Variants in NRG1 observed in about 807,000 individuals in gnomAD.
The protein encoded by NRG1 is neuregulin 1, also known as pro-neuregulin-1, membrane-bound isoform.
Under a neutral mutation model 63.8 loss-of-function variants are expected in NRG1, and 18 were observed. The observed-to-expected ratio is 0.28, with a 90% CI of 0.19 to 0.42. The LOEUF is 0.42. Ranked by LOEUF, NRG1 falls within the 10% of genes least tolerant of loss-of-function variation. The pLI, the probability that NRG1 is intolerant of heterozygous loss-of-function variation, is 1.00. For missense variants in NRG1, 762 were observed against 814.7 expected (o/e 0.94, Z 0.79); for synonymous variants, 302 against 301.3 (o/e 1.00, Z -0.02).
chr8:32,563,010 C>T (rs574073470), intron 1 of NRG1, among the ~76,000 whole-genome samples: 10 of 152,278 alleles, frequency 6.6e-5, no homozygotes, highest in South Asian at 2.1e-4. Context: ...GGTATGTTTT[C>T]GCTTAGAACA....
At chr8:32,424,900 A>C (rs575287065) in intron 1 of NRG1, among the ~76,000 whole-genome samples, 253 of 152,192 alleles carry the variant, frequency 1.7e-3, no homozygotes, top group Non-Finnish European at 1.3e-3. Flanking sequence ...AACAAACAAA[A>C]AAACAAAAAA....
At chr8:32,496,156 C>G (rs1385313031) in intron 1 of NRG1, among the ~76,000 whole-genome samples, 1 of 152,174 alleles carries the variant, frequency 6.6e-6, no homozygotes, top group Non-Finnish European at 1.5e-5. Context: ...GACACAATGT[C>G]AAATTTCTCA....
intron 1 of NRG1, among the ~76,000 whole-genome samples, chr8:32,529,672 A>G (rs749883297): frequency 1.2e-3 from 179 of 152,226 alleles, no homozygotes; most frequent in Non-Finnish European, 1.4e-3. Context: ...TTAAACACAC[A>G]CACACATTAT....
At chr8:32,440,600 C>T (rs549037926) in intron 1 of NRG1, 21 of 152,226 alleles carry the variant, frequency 1.4e-4, no homozygotes, top group African/African-American at 5.1e-4. Flanking sequence ...ACGTGTAAGT[C>T]AACTTGATTT....
At chr8:31,745,121 A>G (rs941898916) in intron 1 of NRG1, among the ~76,000 whole-genome samples, 14 of 151,972 alleles carry the variant, frequency 9.2e-5, no homozygotes, top group Non-Finnish European at 1.9e-4. Context: ...AAAATTTTAC[A>G]AGTAGAGTTA....
At chr8:32,487,796 A>G (rs1409572152) in intron 1 of NRG1, among the ~76,000 whole-genome samples, 1 of 152,166 alleles carries the variant, frequency 6.6e-6, no homozygotes, top group Non-Finnish European at 1.5e-5. Context: ...TTTTAAAGAG[A>G]GCAGGTCTAC....
chr8:31,890,636 A>G (rs1831075718), intron 1 of NRG1, among the ~76,000 whole-genome samples: 1 of 152,234 alleles, frequency 6.6e-6, no homozygotes, highest in Non-Finnish European at 1.5e-5. Context: ...ATTTTAAAAT[A>G]CCTACATCAG....
intron 1 of NRG1, among the ~76,000 whole-genome samples, chr8:32,198,748 A>G (rs1843209492): frequency 6.6e-6 from 1 of 152,204 alleles, no homozygotes. Flanking sequence ...TTAGTTAATG[A>G]CAGGGCTCTC....
Position 32,301,819 on chromosome 8 carries a change from G to C in NRG1, c.38-294009G>C, listed in dbSNP as rs190998469. On this transcript the variant is annotated intron_variant, in intron 1 of 10. Coordinates refer to the NRG1 transcript ENST00000519301. The stretch of plus-strand genomic sequence containing the variant: ...CTCCCACGGGTTCCTCCCACAACAC[G>C]TAAGAACTGTGGAGTTACACTTCAA... Among the ~76,000 whole-genome samples the C allele has an allele frequency of 1.3e-4, 20 of 152,244 alleles. No individual in the cohort carries two copies. The South Asian group carries it at 2.1e-3, about 16-fold the overall frequency.
At chr8:32,672,366 T>C (rs1350990156) in intron 5 of NRG1, among the ~76,000 whole-genome samples, 2 of 152,116 alleles carry the variant, frequency 1.3e-5, no homozygotes, top group Non-Finnish European at 2.9e-5. Context: ...TTTTTTTATT[T>C]TTAAATATTT....
Position 31,999,882 on chromosome 8 carries a change from T to C in NRG1, c.37+360451T>C, listed in dbSNP as rs538280641. ...AAAAAATGTGCATTTTTTTTTCTAA[T>C]TGGCAAAGTCTAAATGGGATTGTGG... On this transcript the variant is annotated intron_variant, in intron 1 of 10. Coordinates refer to the NRG1 transcript ENST00000519301. 5.1e-4 allele frequency among the ~76,000 whole-genome samples: 78 copies of C among 152,118 alleles called. 1 individual carries two copies. Among genetic ancestry groups the C allele is most frequent in the Non-Finnish European group, 8.7e-4 (59 of 67,938 alleles).
At chr8:32,498,989 G>A (rs1827543738) in intron 1 of NRG1, among the ~76,000 whole-genome samples, 1 of 152,174 alleles carries the variant, frequency 6.6e-6, no homozygotes, top group African/African-American at 2.4e-5. Context: ...TGTCCAGGGA[G>A]TTGCATACCT....
intron 1 of NRG1, among the ~76,000 whole-genome samples, chr8:32,167,370 A>G (rs1333618856): frequency 6.6e-6 from 1 of 152,210 alleles, no homozygotes; most frequent in African/African-American, 2.4e-5. Context: ...CTCAGTGTCT[A>G]GAAAAATGCT....
intron 1 of NRG1, among the ~76,000 whole-genome samples, chr8:31,944,389 G>C (rs1042281450): frequency 2.0e-5 from 3 of 152,264 alleles, no homozygotes; most frequent in Admixed American, 6.5e-5. Context: ...CAAATGAAAA[G>C]AACGATATGC....
intron 5 of NRG1, among the ~76,000 whole-genome samples, chr8:32,626,635 G>A (rs573051069): frequency 1.5e-4 from 22 of 151,528 alleles, no homozygotes; most frequent in Middle Eastern, 3.4e-3. Context: ...AGCCAAAATC[G>A]CGCCACTGCC....
intron 1 of NRG1, among the ~76,000 whole-genome samples, chr8:31,948,116 GTGTA>G (rs1259153315): frequency 1.3e-5 from 2 of 152,110 alleles, no homozygotes; most frequent in Admixed American, 6.5e-5. Flanking sequence ...ATGTATATAT[GTGTA>G]TGTATAACAT....
intron 5 of NRG1, among the ~76,000 whole-genome samples, chr8:32,664,519 T>C (rs1451522118): frequency 6.6e-6 from 1 of 152,040 alleles, no homozygotes; most frequent in Non-Finnish European, 1.5e-5. Flanking sequence ...ATAGCGAACA[T>C]TTATTAAGCA....
At chr8:31,756,222 C>G (rs997900422) in intron 1 of NRG1, among the ~76,000 whole-genome samples, 7 of 152,150 alleles carry the variant, frequency 4.6e-5, no homozygotes, top group Non-Finnish European at 8.8e-5. Flanking sequence ...TTACTCTTTA[C>G]AAACATACTA....
chr8:31,727,669 A>T (rs570133704), intron 1 of NRG1, among the ~76,000 whole-genome samples: 1 of 152,122 alleles, frequency 6.6e-6, no homozygotes, highest in Non-Finnish European at 1.5e-5. Flanking sequence ...GTAGCCCTCC[A>T]TTACTGAATG....
Sources: gnomAD v4.1 joint callset for allele counts (sites outside exome capture counted in the v4.1 genomes callset) on GRCh38, gnomAD v4.1.1 for gene constraint, MANE v1.5 for transcripts, NCBI Gene and HGNC (gene_info 2026-07-23, HGNC 2026-07-21) for gene names.